CDH13: variants seen among roughly 807,000 people sequenced by gnomAD.
CDH13 encodes cadherin 13, also known as cadherin-13.
Under a neutral mutation model 63.8 loss-of-function variants are expected in CDH13, and 24 were observed. The observed-to-expected ratio is 0.38, with a 90% CI of 0.27 to 0.53. The LOEUF is 0.53. Among genes scored for constraint, CDH13 ranks in the 20% least tolerant of loss-of-function variants. CDH13 has a pLI of 0.85. For missense variants in CDH13, 1,049 were observed against 903.1 expected, an observed-to-expected ratio of 1.16 and a Z score of -2.07; for synonymous variants, 503 against 355.3, an observed-to-expected ratio of 1.42 and a Z score of -4.67.
chr16:83,365,302 G>A (rs2091237483), intron 6 of CDH13, among the ~76,000 whole-genome samples: 1 of 152,204 alleles, frequency 6.6e-6, no homozygotes, highest in South Asian at 2.1e-4. Context: ...ACAGGCCTCT[G>A]ACTCAGCTTT....
At chr16:83,306,445 C>T (rs1001291247) in intron 5 of CDH13, among the ~76,000 whole-genome samples, 5 of 152,098 alleles carry the variant, frequency 3.3e-5, no homozygotes, top group Admixed American at 2.0e-4. Flanking sequence ...ATTAACTCCC[C>T]TGAAAGGAGG....
intron 1 of CDH13, among the ~76,000 whole-genome samples, chr16:82,677,864 C>G (rs1914109785): frequency 6.6e-6 from 1 of 152,156 alleles, no homozygotes; most frequent in Non-Finnish European, 1.5e-5. Flanking sequence ...TCTAATCAAA[C>G]TAATCCAAGT....
chr16:83,150,884 C>T (rs2036951335), intron 4 of CDH13, among the ~76,000 whole-genome samples: 1 of 152,184 alleles, frequency 6.6e-6, no homozygotes, highest in Non-Finnish European at 1.5e-5. Flanking sequence ...AGCATACATT[C>T]TGTCATTGTA....
chr16:82,809,165 T>G (rs2037312655), intron 1 of CDH13, among the ~76,000 whole-genome samples: 1 of 152,136 alleles, frequency 6.6e-6, no homozygotes, highest in African/African-American at 2.4e-5. Context: ...CTCCCCAACA[T>G]TGAATGAAAA....
At chr16:83,082,637 G>C (rs913349035) in intron 3 of CDH13, among the ~76,000 whole-genome samples, 1 of 152,030 alleles carries the variant, frequency 6.6e-6, no homozygotes, top group African/African-American at 2.4e-5. Context: ...AGACAAGACT[G>C]TCTCAACAAC....
chr16:82,855,223 G>T (rs992125714), intron 1 of CDH13, among the ~76,000 whole-genome samples: 30 of 152,192 alleles, frequency 2.0e-4, no homozygotes, highest in Non-Finnish European at 3.7e-4. Flanking sequence ...AACTGTAGAG[G>T]AATCCTGAAT....
At chr16:83,326,020 C>T (rs534118522) in intron 5 of CDH13, among the ~76,000 whole-genome samples, 15 of 152,090 alleles carry the variant, frequency 9.9e-5, no homozygotes, top group African/African-American at 1.7e-4. Flanking sequence ...ATACAAAGTA[C>T]GCAGGCAAGC....
intron 4 of CDH13, among the ~76,000 whole-genome samples, chr16:83,196,413 C>A (rs1044189432): frequency 1.3e-5 from 2 of 151,982 alleles, no homozygotes; most frequent in Admixed American, 1.3e-4. Flanking sequence ...GGTGTGAACC[C>A]TAAAATGAAA....
At chr16:82,774,403 T>C (rs2035397932) in intron 1 of CDH13, among the ~76,000 whole-genome samples, 1 of 151,994 alleles carries the variant, frequency 6.6e-6, no homozygotes, top group Admixed American at 6.6e-5. Flanking sequence ...ATCTCATAGG[T>C]TATTGTGAGA....
intron 7 of CDH13, among the ~76,000 whole-genome samples, chr16:83,602,148 A>C (rs1307330905): frequency 7.4e-6 from 1 of 134,690 alleles, no homozygotes; most frequent in African/African-American, 3.0e-5. Flanking sequence ...AAAAAACCCA[A>C]AGGACAATGT....
intron 1 of CDH13, among the ~76,000 whole-genome samples, chr16:82,679,921 A>G (rs1484345989): frequency 6.6e-6 from 1 of 152,222 alleles, no homozygotes; most frequent in Non-Finnish European, 1.5e-5. Context: ...CATCACGAGT[A>G]TGAGCCCACA....
At chr16:82,954,042 G>A (rs1425581720) in intron 2 of CDH13, 1 of 152,128 alleles carries the variant, frequency 6.6e-6, no homozygotes, top group African/African-American at 2.4e-5. Context: ...TATTTGGGAG[G>A]TAATGCCAAG....
At chr16:83,351,951 T>C (rs778555788) in intron 6 of CDH13, among the ~76,000 whole-genome samples, 1 of 152,228 alleles carries the variant, frequency 6.6e-6, no homozygotes, top group Non-Finnish European at 1.5e-5. Flanking sequence ...GTCATTTCAC[T>C]AGCTGTTTTG....
At chr16:83,330,774 G>T (rs754653017) in intron 5 of CDH13, among the ~76,000 whole-genome samples, 42 of 152,180 alleles carry the variant, frequency 2.8e-4, no homozygotes, top group Non-Finnish European at 4.8e-4. Flanking sequence ...TCATACGAAG[G>T]TTGGAACAGG....
intron 5 of CDH13, among the ~76,000 whole-genome samples, chr16:83,315,798 G>C (rs780226600): frequency 6.6e-6 from 1 of 151,918 alleles, no homozygotes; most frequent in East Asian, 1.9e-4. Context: ...TGTTATAGTG[G>C]GTGAATGTTC....
intron 2 of CDH13, among the ~76,000 whole-genome samples, chr16:82,918,763 C>A (rs1428533108): frequency 6.6e-6 from 1 of 152,086 alleles, no homozygotes; most frequent in African/African-American, 2.4e-5. Context: ...CCTACCTCAA[C>A]CCCCCGACAA....
In CDH13 at chr16:83,270,591, G is replaced by T. The variant is rs1005695396; in HGVS notation, c.636+53094G>T. Reference sequence around the variant, plus strand: ...ACGCACAGCTCACGTGTAGGTGCAAGTCCACGAATGGATGCGGATCCTGTA... The same window carrying T: ...ACGCACAGCTCACGTGTAGGTGCAATTCCACGAATGGATGCGGATCCTGTA... On this transcript the variant is annotated intron_variant, in intron 5 of 13. Coordinates refer to ENST00000567109, the MANE Select transcript of CDH13 (RefSeq NM_001257.5). Among the ~76,000 whole-genome samples, 4 of 152,158 alleles carry T rather than the reference G, an allele frequency of 2.6e-5. No homozygotes were observed. In the East Asian group the frequency reaches 7.7e-4, roughly 29 times the overall value.
chr16:82,835,524 T>C (rs1385245652), intron 1 of CDH13, among the ~76,000 whole-genome samples: 1 of 152,192 alleles, frequency 6.6e-6, no homozygotes, highest in Non-Finnish European at 1.5e-5. Flanking sequence ...AGCCCTTGAT[T>C]TGATAAAATG....
intron 5 of CDH13, among the ~76,000 whole-genome samples, chr16:83,337,621 ATTTTTTTTTTTTTT>A (rs66957563): frequency 5.7e-5 from 3 of 52,246 alleles, no homozygotes; most frequent in Non-Finnish European, 9.5e-5. Flanking sequence ...TGACAAGCGT[ATTTTTTTTTTTTTT>A]TTTTTTTTTT....
Sources: allele counts gnomAD v4.1 joint callset (sites outside exome capture counted in the v4.1 genomes callset), GRCh38; gene constraint gnomAD v4.1.1; transcripts MANE v1.5; gene names NCBI Gene and HGNC (gene_info 2026-07-23, HGNC 2026-07-21).